The following GALNT17 variants were observed in gnomAD, a reference collection of about 807,000 sequenced individuals.
GALNT17 encodes polypeptide N-acetylgalactosaminyltransferase 17.
A neutral mutation model predicts 63.7 loss-of-function variants in GALNT17; 29 were observed. That is an observed-to-expected ratio of 0.46 (90% CI 0.34 to 0.62). GALNT17 has a LOEUF of 0.62. Among genes scored for constraint, GALNT17 ranks in the 20% least tolerant of loss-of-function variants. The pLI is 0.01. For synonymous variants in GALNT17, 305 were observed against 318.3 expected, an observed-to-expected ratio of 0.96 and a Z score of 0.45; for missense variants, 603 against 799.6, an observed-to-expected ratio of 0.75 and a Z score of 2.97.
chr7:71,587,810 C>T (rs556025895), intron 6 of GALNT17, among the ~76,000 whole-genome samples: 17 of 152,044 alleles, frequency 1.1e-4, no homozygotes, highest in African/African-American at 1.7e-4. Flanking sequence ...AGCCACATGC[C>T]GGGAAAAATA....
chr7:71,298,987 G>A (rs1791137473), intron 1 of GALNT17, among the ~76,000 whole-genome samples: 1 of 152,154 alleles, frequency 6.6e-6, no homozygotes, highest in East Asian at 1.9e-4. Context: ...TGACTGACAG[G>A]TGTTAAGTCA....
At chr7:71,244,345 C>T (rs747975566) in intron 1 of GALNT17, among the ~76,000 whole-genome samples, 5 of 152,180 alleles carry the variant, frequency 3.3e-5, no homozygotes, top group African/African-American at 9.7e-5. Context: ...GGAGTTCTGA[C>T]ACCTAACACT....
chr7:71,514,078 C>T (rs1788408740), intron 5 of GALNT17, among the ~76,000 whole-genome samples: 1 of 152,158 alleles, frequency 6.6e-6, no homozygotes, highest in Admixed American at 6.5e-5. Flanking sequence ...ATCTGTAGTC[C>T]TAGCAATTCA....
intron 1 of GALNT17, among the ~76,000 whole-genome samples, chr7:71,154,798 A>G (rs940372660): frequency 4.0e-5 from 6 of 151,264 alleles, no homozygotes; most frequent in Non-Finnish European, 8.8e-5. Flanking sequence ...GGATGGTCTC[A>G]ATCTCCTGAC....
At chr7:71,343,413 T>C (rs2116136963) in intron 2 of GALNT17, among the ~76,000 whole-genome samples, 1 of 152,374 alleles carries the variant, frequency 6.6e-6, no homozygotes, top group Non-Finnish European at 1.5e-5. Flanking sequence ...AGAAAATTGT[T>C]TTTCTTATAA....
chr7:71,702,404 T>C (rs1282912653), intron 9 of GALNT17, among the ~76,000 whole-genome samples: 1 of 151,972 alleles, frequency 6.6e-6, no homozygotes, highest in African/African-American at 2.4e-5. Flanking sequence ...GGGAGGCGCA[T>C]GTGGCTGGAT....
At chr7:71,222,558 C>G (rs573205210) in intron 1 of GALNT17, among the ~76,000 whole-genome samples, 4 of 152,186 alleles carry the variant, frequency 2.6e-5, no homozygotes, top group Non-Finnish European at 5.9e-5. Context: ...TCCCAAAGTG[C>G]TGGGATTATA....
At chr7:71,514,336 G>GCCAGGTGAAAGGTAAGGTACCCTTA (rs1272629051) in intron 5 of GALNT17, among the ~76,000 whole-genome samples, 1 of 152,114 alleles carries the variant, frequency 6.6e-6, no homozygotes, top group Non-Finnish European at 1.5e-5. Flanking sequence ...GTAGACGCTA[G>GCCAGGTGAAAGGTAAGGTACCCTTA]CCAGGTGAAA....
rs544467590 is a variant in GALNT17, at chr7:71,437,055, A to C, written c.962+15950A>C. On this transcript the variant is annotated intron_variant, in intron 5 of 10. Coordinates refer to ENST00000333538, the MANE Select transcript of GALNT17 (RefSeq NM_022479.3). The stretch of plus-strand genomic sequence containing the variant: ...CCCTCCCGGCATTTATTCAGCACAC[A>C]TTAAATGACAGAGGTCTTAAGTAAA... 2.0e-5 allele frequency among the ~76,000 whole-genome samples: 3 copies of C among 152,340 alleles called. No individual in the cohort carries two copies. In the East Asian group the frequency reaches 5.8e-4, roughly 29 times the overall value.
At position 71,424,625 on chromosome 7, in the gene GALNT17, A is replaced by G. The variant is rs147572132; in HGVS notation, c.962+3520A>G. On this transcript the variant is annotated intron_variant, in intron 5 of 10. Coordinates refer to ENST00000333538, the MANE Select transcript of GALNT17 (RefSeq NM_022479.3). ...TTGTACAAAATAGAATCAAATGCCA[A>G]TGATGTCTTTTTAATGTGTCTTAAC... Among the ~76,000 whole-genome samples, 881 of 152,366 alleles carry G rather than the reference A, an allele frequency of 5.8e-3. 10 individuals are homozygous for G. Among genetic ancestry groups the G allele is most frequent in the African/African-American group, 0.021 (856 of 41,592 alleles).
At chr7:71,166,834 A>T (rs1406606145) in intron 1 of GALNT17, among the ~76,000 whole-genome samples, 1 of 151,790 alleles carries the variant, frequency 6.6e-6, no homozygotes, top group Non-Finnish European at 1.5e-5. Flanking sequence ...TTTTTCCCCT[A>T]GGTAAACACC....
chr7:71,175,926 C>T (rs574525489), intron 1 of GALNT17, among the ~76,000 whole-genome samples: 1 of 152,158 alleles, frequency 6.6e-6, no homozygotes, highest in East Asian at 1.9e-4. Context: ...GTTTATTTTT[C>T]TTACAAATCT....
chr7:71,528,795 A>G (rs1270067041), intron 5 of GALNT17, among the ~76,000 whole-genome samples: 1 of 152,184 alleles, frequency 6.6e-6, no homozygotes, highest in Admixed American at 6.6e-5. Flanking sequence ...AAAAACAGAG[A>G]AAGCTTAGGG....
intron 6 of GALNT17, among the ~76,000 whole-genome samples, chr7:71,576,518 G>GT (rs1789539287): frequency 7.9e-6 from 1 of 126,972 alleles, no homozygotes; most frequent in African/African-American, 3.0e-5. Context: ...AGCATCTGTT[G>GT]TTTTTTAACT....
chr7:71,703,009 CA>C (rs533125355), intron 9 of GALNT17, among the ~76,000 whole-genome samples: 140 of 152,150 alleles, frequency 9.2e-4, no homozygotes, highest in African/African-American at 3.3e-3. Context: ...GCTGGATATA[CA>C]AAGTTGGAAT....
At chr7:71,266,893 G>T (rs1247731780) in intron 1 of GALNT17, among the ~76,000 whole-genome samples, 2 of 152,124 alleles carry the variant, frequency 1.3e-5, no homozygotes, top group Non-Finnish European at 2.9e-5. Context: ...TGAGAATTTA[G>T]TAAAGGAGGC....
intron 1 of GALNT17, among the ~76,000 whole-genome samples, chr7:71,185,105 C>G (rs951677868): frequency 7.0e-6 from 1 of 142,986 alleles, no homozygotes; most frequent in Non-Finnish European, 1.5e-5. Context: ...TCCCTTCTTC[C>G]TCCCCTGCCC....
chr7:71,492,090 G>T (rs192974022), intron 5 of GALNT17, among the ~76,000 whole-genome samples: 183 of 152,184 alleles, frequency 1.2e-3, no homozygotes, highest in African/African-American at 3.8e-3. Context: ...GACCATCCTG[G>T]CCAACATGGT....
intron 1 of GALNT17, among the ~76,000 whole-genome samples, chr7:71,335,146 T>A (rs1412039521): frequency 1.3e-5 from 2 of 152,018 alleles, no homozygotes; most frequent in African/African-American, 4.8e-5. Flanking sequence ...TTATTTATTT[T>A]TTTGAGACAG....
Sources: allele counts gnomAD v4.1 joint callset (sites outside exome capture counted in the v4.1 genomes callset), GRCh38; gene constraint gnomAD v4.1.1; transcripts MANE v1.5; gene names NCBI Gene and HGNC (gene_info 2026-07-23, HGNC 2026-07-21).